NT5DC1: variants seen among roughly 807,000 people sequenced by gnomAD.
NT5DC1 encodes the protein 5'-nucleotidase domain containing 1, also known as 5'-nucleotidase domain-containing protein 1.
Under a neutral mutation model 59.4 loss-of-function variants are expected in NT5DC1, and 42 were observed. The ratio of observed to expected loss-of-function variants is 0.71; its 90% CI spans 0.55 to 0.92. NT5DC1 has a LOEUF of 0.92. Ranked by LOEUF, NT5DC1 falls within the 40% of genes least tolerant of loss-of-function variation. NT5DC1 has a pLI of 0.00. For synonymous variants in NT5DC1, 172 were observed against 188.1 expected (o/e 0.91, Z 0.70); for missense variants, 501 against 537.1 (o/e 0.93, Z 0.66).
chr6:116,223,159 C>G (rs1350693914), intron 8 of NT5DC1, 28 bp downstream of exon 8: 46 of 1,245,236 alleles, frequency 3.7e-5, no homozygotes, highest in Non-Finnish European at 5.3e-5. Context: ...TCTTTCTTTT[C>G]CTGTATACAG....
intron 6 of NT5DC1, among the ~76,000 whole-genome samples, chr6:116,159,445 G>GT (rs1780279883): frequency 6.6e-6 from 1 of 152,098 alleles, no homozygotes; most frequent in Non-Finnish European, 1.5e-5. Flanking sequence ...TTGCCTCTGA[G>GT]TTAAAGTATA....
chr6:116,100,957 C>T lies in NT5DC1; in HGVS notation c.27C>T (p.Ala9=). 2 of 1,604,998 alleles carry T rather than the reference C, an allele frequency of 1.2e-6. No individual in the cohort carries two copies. The highest frequency in any genetic ancestry group is 1.7e-6 in the Non-Finnish European group (2 of 1,176,900). The change falls in exon 1 of 12, where the codon GCC becomes GCT. Residue 9 remains alanine, a synonymous_variant. Transcript: ENST00000319550. MAQHFSLA[A]CDVVGFDLDH... is the part of the protein sequence containing the mutation. ...TGGCTCAGCACTTCTCCCTGGCCGC[C>T]TGCGACGTGGTCGGATTCGACCTGG...
At chr6:116,138,027 A>ACCG (rs1779657248) in intron 6 of NT5DC1, among the ~76,000 whole-genome samples, 1 of 151,796 alleles carries the variant, frequency 6.6e-6, no homozygotes, top group African/African-American at 2.4e-5. Flanking sequence ...GCAGTGAGCC[A>ACCG]AGATCACACC....
intron 4 of NT5DC1, among the ~76,000 whole-genome samples, chr6:116,112,032 T>A (rs1397065724): frequency 6.6e-6 from 1 of 152,184 alleles, no homozygotes; most frequent in Non-Finnish European, 1.5e-5. Context: ...CCAGAGTATT[T>A]TAAAGAATAA....
At chr6:116,178,654 A>G (rs1780805251) in intron 6 of NT5DC1, among the ~76,000 whole-genome samples, 1 of 152,238 alleles carries the variant, frequency 6.6e-6, no homozygotes, top group African/African-American at 2.4e-5. Context: ...TAGTTTTGGT[A>G]AAGGCAATTT....
chr6:116,116,320 C>T (rs1778960965), intron 5 of NT5DC1, among the ~76,000 whole-genome samples: 1 of 152,090 alleles, frequency 6.6e-6, no homozygotes, highest in South Asian at 2.1e-4. Context: ...ATGTCAGAAT[C>T]ACTTTCCTTT....
chr6:116,177,559 A>C (rs1275796660), intron 6 of NT5DC1, among the ~76,000 whole-genome samples: 1 of 152,200 alleles, frequency 6.6e-6, no homozygotes, highest in East Asian at 1.9e-4. Context: ...ATAAAATTAC[A>C]TGATAAAATG....
chr6:116,117,940 TTAAGGG>T lies in NT5DC1; in HGVS notation c.529_529+5del, dbSNP rs1779000133. On this transcript the variant is annotated splice_donor_variant and coding_sequence_variant, in exon 6 of 12. Coordinates refer to ENST00000319550, the MANE Select transcript of NT5DC1 (RefSeq NM_152729.3). LOFTEE classifies it high-confidence loss of function. The stretch of plus-strand genomic sequence containing the variant: ...CAACACAATTATAAAATGTCAGCTT[TTAAGGG>T]TAAGTATTGTGAAGAGGGGCCTTCT... The T allele has an allele frequency of 6.6e-7, 1 of 1,516,482 alleles. No homozygotes were observed. Among genetic ancestry groups the T allele is most frequent in the Non-Finnish European group, 9.2e-7 (1 of 1,090,994 alleles). 93.9% of individuals were successfully genotyped at this position (1,516,482 alleles called of 1,614,324 possible). A position where few individuals can be genotyped will look rare whatever the true frequency, so the allele number is the denominator to read the frequency against.
chr6:116,178,107 G>A (rs760358588), intron 6 of NT5DC1, among the ~76,000 whole-genome samples: 7 of 92,980 alleles, frequency 7.5e-5, no homozygotes, highest in Admixed American at 2.9e-4. Context: ...GCGCGCGTGC[G>A]TGCGTGTGTG....
At position 116,238,282 on chromosome 6, in the gene NT5DC1, G is replaced by T; in HGVS notation, c.1017G>T (p.Gly339=). ...TCCTCATCCTGGAAGAACTCAGAGG[G>T]GATGAAGGCACGAGGAGTCAGAGGC... The part of the protein sequence containing the change: ...ETVLILEELR[G]DEGTRSQRPE... The change falls in exon 10 of 12, where the codon GGG becomes GGT. Residue 339 remains glycine (G), a synonymous_variant. Transcript: ENST00000319550. 1 of 1,613,294 alleles carries T rather than the reference G, an allele frequency of 6.2e-7. No individual in the cohort carries two copies. The highest frequency in any genetic ancestry group is 1.3e-5 in the African/African-American group (1 of 74,954).
intron 6 of NT5DC1, among the ~76,000 whole-genome samples, chr6:116,145,761 C>G (rs1779883153): frequency 1.3e-5 from 2 of 152,144 alleles, no homozygotes; most frequent in East Asian, 3.9e-4. Flanking sequence ...CAGATACTTA[C>G]CAATTCATTT....
rs759704485 is a variant in NT5DC1 at position 116,120,420 on chromosome 6, C to T, written c.529+2475C>T. The T allele has an allele frequency of 3.7e-6, 6 of 1,614,118 alleles. No individual in the cohort carries two copies. In the African/African-American group the frequency reaches 8.0e-5, roughly 22 times the overall value. On this transcript the variant is annotated intron_variant, in intron 6 of 11. Transcript: ENST00000319550. ...ATTTTATCAAATGGTATGGGAGTTC[C>T]TATTGCTGGGTAAGCTTTGGAGAGA...
intron 1 of NT5DC1, among the ~76,000 whole-genome samples, chr6:116,102,949 C>T (rs1778692400): frequency 6.6e-6 from 1 of 152,244 alleles, no homozygotes; most frequent in Non-Finnish European, 1.5e-5. Context: ...CATCAGGCCT[C>T]ATCTTAAACA....
chr6:116,232,369 G>A lies in NT5DC1; in HGVS notation c.803-4597G>A, dbSNP rs533274419. ...AAATATATTCCATTTATTGTATGTTGATTATGTCTCAACAAATGTGTAAAA... is the reference window on the plus strand; with the variant it reads ...AAATATATTCCATTTATTGTATGTTAATTATGTCTCAACAAATGTGTAAAA... On this transcript the variant is annotated intron_variant, in intron 8 of 11. Transcript: ENST00000319550. 2.0e-5 allele frequency among the ~76,000 whole-genome samples: 3 copies of A among 152,020 alleles called. No homozygotes were observed. The South Asian group carries it at 6.2e-4, about 32-fold the overall frequency.
intron 6 of NT5DC1, chr6:116,125,802 A>C: frequency 4.1e-6 from 1 of 246,736 alleles, no homozygotes. Flanking sequence ...GATCTTTGAC[A>C]TAGCCTGAAA....
intron 6 of NT5DC1, among the ~76,000 whole-genome samples, chr6:116,197,991 CCCAGGGCA>C (rs1443937075): frequency 6.6e-6 from 1 of 152,012 alleles, no homozygotes; most frequent in Non-Finnish European, 1.5e-5. Flanking sequence ...AATTTATGGC[CCCAGGGCA>C]CCTAGCTTTG....
chr6:116,113,775 A>G (rs377550188), intron 4 of NT5DC1, among the ~76,000 whole-genome samples: 3 of 152,188 alleles, frequency 2.0e-5, no homozygotes, highest in African/African-American at 7.2e-5. Flanking sequence ...ACTGAATTTC[A>G]TCTATTAGTA....
At chr6:116,136,953 G>GT (rs2114350813) in intron 6 of NT5DC1, 1 of 153,290 alleles carries the variant, frequency 6.5e-6, no homozygotes, top group Non-Finnish European at 1.5e-5. Flanking sequence ...ACCTGAAGAG[G>GT]TCATAGTGTT....
chr6:116,178,104 TGC>T (rs796825649), intron 6 of NT5DC1, among the ~76,000 whole-genome samples: 3,076 of 100,992 alleles, frequency 0.03, 131 homozygotes, highest in African/African-American at 0.11. Flanking sequence ...CGCGCGCGCG[TGC>T]GTGCGTGTGT....
Sources: gnomAD v4.1 joint callset for allele counts (sites outside exome capture counted in the v4.1 genomes callset) on GRCh38, gnomAD v4.1.1 for gene constraint, MANE v1.5 for transcripts, NCBI Gene and HGNC (gene_info 2026-07-23, HGNC 2026-07-21) for gene names.